Variants in MACROD2 observed in about 807,000 individuals in gnomAD.
MACROD2 encodes ADP-ribose glycohydrolase MACROD2.
In MACROD2, 36 loss-of-function variants were observed where a neutral mutation model predicts 70.4. The ratio of observed to expected loss-of-function variants is 0.51; its 90% CI spans 0.39 to 0.68. MACROD2 has a LOEUF of 0.68. Among genes scored for constraint, MACROD2 ranks in the 30% least tolerant of loss-of-function variants. MACROD2 has a pLI of 0.00. For synonymous variants in MACROD2, 172 were observed against 178.8 expected (o/e 0.96, Z 0.30); for missense variants, 496 against 538.4 (o/e 0.92, Z 0.78).
In MACROD2 at chr20:14,183,055, G is replaced by A. The variant is rs1342864532; in HGVS notation, c.271+97327G>A. Among the ~76,000 whole-genome samples, 4 of 147,538 alleles carry A rather than the reference G, an allele frequency of 2.7e-5. No homozygotes were observed. In the East Asian group the frequency reaches 8.1e-4, roughly 30 times the overall value. On this transcript the variant is annotated intron_variant, in intron 3 of 17. Transcript: ENST00000684519. ...ACCCCCATGACACAAGTTTACCTAT[G>A]TAACCTATTTGTTACATAGGTAAAC...
intron 8 of MACROD2, among the ~76,000 whole-genome samples, chr20:15,576,138 T>A (rs376552806): frequency 1.9e-3 from 287 of 152,250 alleles, no homozygotes; most frequent in African/African-American, 6.3e-3. Flanking sequence ...AATTCACTTC[T>A]TTTCTCTTTC....
At chr20:14,903,032 TC>T (rs2073915650) in intron 5 of MACROD2, among the ~76,000 whole-genome samples, 1 of 142,904 alleles carries the variant, frequency 7.0e-6, no homozygotes, top group South Asian at 2.2e-4. Flanking sequence ...TTCTTTTTTT[TC>T]TTTCCCTTTT....
At chr20:15,793,126 T>TGTGTGTGTGCATGCGC (rs1252921513) in intron 8 of MACROD2, among the ~76,000 whole-genome samples, 1 of 152,142 alleles carries the variant, frequency 6.6e-6, no homozygotes, top group Non-Finnish European at 1.5e-5. Flanking sequence ...AAAGACTGTG[T>TGTGTGTGTGCATGCGC]GTGTGTGTGC....
Position 14,193,214 on chromosome 20 carries a change from A to T in MACROD2, c.271+107486A>T, listed in dbSNP as rs993817351. On this transcript the variant is annotated intron_variant, in intron 3 of 17. Coordinates refer to ENST00000684519, the MANE Select transcript of MACROD2 (RefSeq NM_001351661.2). ...AACCATTCATTTCTAGTGAGCTAGG[A>T]TTACATTGATGAACACAGGCTTCAG... Among the ~76,000 whole-genome samples, 8 of 152,336 alleles carry T rather than the reference A, an allele frequency of 5.3e-5. No homozygotes were observed. The East Asian group carries it at 1.5e-3, about 29-fold the overall frequency.
chr20:14,744,173 A>G (rs1337571777), intron 5 of MACROD2, among the ~76,000 whole-genome samples: 1 of 152,190 alleles, frequency 6.6e-6, no homozygotes, highest in Non-Finnish European at 1.5e-5. Flanking sequence ...GCCAGAATAC[A>G]CTAATAGAGA....
intron 13 of MACROD2, among the ~76,000 whole-genome samples, chr20:15,974,102 G>T (rs2066270696): frequency 6.6e-6 from 1 of 152,128 alleles, no homozygotes. Context: ...ACAGATGAAA[G>T]AGTTCAGAAA....
chr20:15,357,117 A>T (rs969165290), intron 6 of MACROD2, among the ~76,000 whole-genome samples: 1 of 152,208 alleles, frequency 6.6e-6, no homozygotes, highest in African/African-American at 2.4e-5. Flanking sequence ...GAGTAAAAAA[A>T]AAAGTAGATT....
intron 3 of MACROD2, among the ~76,000 whole-genome samples, chr20:14,309,551 A>G (rs76625045): frequency 0.028 from 4,227 of 152,190 alleles, 114 homozygotes; most frequent in African/African-American, 0.069. Context: ...TACCTGTTAT[A>G]TGTTTTAGTT....
intron 8 of MACROD2, among the ~76,000 whole-genome samples, chr20:15,510,823 G>C (rs921606815): frequency 3.9e-5 from 6 of 152,220 alleles, no homozygotes; most frequent in Non-Finnish European, 7.3e-5. Flanking sequence ...GCTGGCTAAC[G>C]TGCTGTCCTG....
In MACROD2 at chr20:15,162,243, G is replaced by C. The variant is rs2076353628; in HGVS notation, c.419-67697G>C. On this transcript the variant is annotated intron_variant, in intron 5 of 17. Coordinates refer to ENST00000684519, the MANE Select transcript of MACROD2 (RefSeq NM_001351661.2). ...TGTTTTTTAAAAAGGACTAGGAGCA[G>C]AAAGAGGAGTGGTAGGAGTGGTAAG... is the stretch of plus-strand genomic sequence containing the variant. Among the ~76,000 whole-genome samples the C allele has an allele frequency of 2.0e-5, 3 of 152,192 alleles. No individual in the cohort carries two copies. In the South Asian group the frequency reaches 6.2e-4, roughly 32 times the overall value.
intron 6 of MACROD2, among the ~76,000 whole-genome samples, chr20:15,234,398 T>A (rs1482160920): frequency 6.6e-6 from 1 of 151,738 alleles, no homozygotes; most frequent in Admixed American, 6.6e-5. Flanking sequence ...TAAGGCACCA[T>A]GAAGAGGATA....
Position 15,163,139 on chromosome 20 carries a change from G to A in MACROD2, c.419-66801G>A, listed in dbSNP as rs534344152. ...TTAAGTTTGAATTGAACAGAATAGG[G>A]TCAGGGATAATCAGTGAATCCAAAG... On this transcript the variant is annotated intron_variant, in intron 5 of 17. Coordinates refer to ENST00000684519, the MANE Select transcript of MACROD2 (RefSeq NM_001351661.2). Among the ~76,000 whole-genome samples the A allele has an allele frequency of 7.9e-5, 12 of 152,002 alleles. No individual in the cohort carries two copies. The East Asian group carries it at 2.3e-3, about 29-fold the overall frequency.
intron 5 of MACROD2, among the ~76,000 whole-genome samples, chr20:14,973,480 C>T (rs2074710722): frequency 6.6e-6 from 1 of 152,114 alleles, no homozygotes; most frequent in African/African-American, 2.4e-5. Flanking sequence ...ACCTCAGCCT[C>T]CCAAAGTGGT....
intron 6 of MACROD2, among the ~76,000 whole-genome samples, chr20:15,303,147 C>A (rs968859230): frequency 2.0e-5 from 3 of 152,150 alleles, no homozygotes; most frequent in African/African-American, 7.2e-5. Flanking sequence ...CAAAATTCTG[C>A]AAACTAATTT....
chr20:15,412,222 C>A (rs1362833641), intron 6 of MACROD2, among the ~76,000 whole-genome samples: 1 of 151,988 alleles, frequency 6.6e-6, no homozygotes, highest in Non-Finnish European at 1.5e-5. Flanking sequence ...AATTTTATTT[C>A]TGTTAATGAG....
At chr20:15,413,821 C>T (rs1195596990) in intron 6 of MACROD2, among the ~76,000 whole-genome samples, 1 of 152,138 alleles carries the variant, frequency 6.6e-6, no homozygotes, top group Non-Finnish European at 1.5e-5. Context: ...CTATACAGCT[C>T]TCAACCTAAG....
chr20:14,532,251 C>G (rs1236289500), intron 4 of MACROD2, among the ~76,000 whole-genome samples: 20 of 142,520 alleles, frequency 1.4e-4, no homozygotes, highest in African/African-American at 5.4e-4. Context: ...TGGAGTCTTG[C>G]TCTGTCACCC....
intron 7 of MACROD2, among the ~76,000 whole-genome samples, chr20:15,494,482 G>T (rs2047269173): frequency 6.6e-6 from 1 of 152,146 alleles, no homozygotes; most frequent in Non-Finnish European, 1.5e-5. Context: ...ACAATGGAAT[G>T]CAACACTACA....
At chr20:14,644,308 G>C (rs903158938) in intron 4 of MACROD2, among the ~76,000 whole-genome samples, 3 of 152,156 alleles carry the variant, frequency 2.0e-5, no homozygotes, top group African/African-American at 7.2e-5. Context: ...CTGTTAGAAA[G>C]CTGTGATCAA....
Sources: allele counts gnomAD v4.1 joint callset (sites outside exome capture counted in the v4.1 genomes callset), GRCh38; gene constraint gnomAD v4.1.1; transcripts MANE v1.5; gene names NCBI Gene and HGNC (gene_info 2026-07-23, HGNC 2026-07-21).